Variants in NRXN3 observed in about 807,000 individuals in gnomAD.
The protein encoded by NRXN3 is neurexin III.
A neutral mutation model predicts 137.6 loss-of-function variants in NRXN3; 32 were observed. The observed-to-expected ratio is 0.23, with a 90% CI of 0.18 to 0.31. The LOEUF (loss-of-function observed/expected upper bound fraction) is 0.31, where lower values mean the gene tolerates loss of function less well. Among genes scored for constraint, NRXN3 ranks in the 10% least tolerant of loss-of-function variants. The probability of loss-of-function intolerance (pLI) is 1.00; values close to 1 mark genes in which losing one functional copy is unlikely to be tolerated. For missense variants in NRXN3, 1,574 were observed against 2,062.5 expected, an observed-to-expected ratio of 0.76 and a Z score of 4.59; for synonymous variants, 798 against 784.5, an observed-to-expected ratio of 1.02 and a Z score of -0.29.
chr14:78,821,505 C>T (rs1001888477), intron 10 of NRXN3, among the ~76,000 whole-genome samples: 2 of 151,840 alleles, frequency 1.3e-5, no homozygotes, highest in African/African-American at 4.8e-5. Flanking sequence ...GCAACAGAAA[C>T]GGAATGCTTG....
At chr14:78,788,679 G>C (rs2098796472) in intron 8 of NRXN3, among the ~76,000 whole-genome samples, 1 of 152,158 alleles carries the variant, frequency 6.6e-6, no homozygotes, top group South Asian at 2.1e-4. Flanking sequence ...TAATAGACCT[G>C]AATACTGCAT....
chr14:78,241,166 C>T (rs2067030691), intron 1 of NRXN3, among the ~76,000 whole-genome samples: 1 of 152,200 alleles, frequency 6.6e-6, no homozygotes, highest in Non-Finnish European at 1.5e-5. Flanking sequence ...GTCATCCATT[C>T]TGCAGTTTTC....
At chr14:79,736,652 T>C (rs1478952306) in intron 19 of NRXN3, among the ~76,000 whole-genome samples, 1 of 151,982 alleles carries the variant, frequency 6.6e-6, no homozygotes, top group Admixed American at 6.6e-5. Flanking sequence ...CCATCGCGAG[T>C]GTGGAGGCTG....
At chr14:78,944,389 A>G (rs2099361269) in intron 10 of NRXN3, among the ~76,000 whole-genome samples, 1 of 152,228 alleles carries the variant, frequency 6.6e-6, no homozygotes, top group South Asian at 2.1e-4. Flanking sequence ...GTTCTCAGAA[A>G]GGTGGTTTGA....
intron 3 of NRXN3, among the ~76,000 whole-genome samples, chr14:78,293,512 A>C (rs2076009811): frequency 1.3e-5 from 2 of 150,250 alleles, no homozygotes; most frequent in African/African-American, 2.5e-5. Flanking sequence ...CCCATCCACC[A>C]CTCTCCTAAA....
chr14:79,123,384 G>T (rs1458089243), intron 15 of NRXN3, among the ~76,000 whole-genome samples: 1 of 152,130 alleles, frequency 6.6e-6, no homozygotes, highest in African/African-American at 2.4e-5. Flanking sequence ...TTTAGAGCTG[G>T]TATGTCTGCT....
intron 4 of NRXN3, among the ~76,000 whole-genome samples, chr14:78,359,359 C>T (rs765058611): frequency 3.3e-5 from 5 of 152,184 alleles, no homozygotes; most frequent in Non-Finnish European, 7.3e-5. Flanking sequence ...TACAGCCAGG[C>T]AGGGCAGGCT....
At chr14:78,920,077 G>A (rs1177864955) in intron 10 of NRXN3, among the ~76,000 whole-genome samples, 13 of 152,176 alleles carry the variant, frequency 8.5e-5, no homozygotes, top group Admixed American at 8.5e-4. Context: ...CAATCAGCAT[G>A]TCTTACAGCT....
chr14:79,291,016 T>C (rs551174552), intron 15 of NRXN3, among the ~76,000 whole-genome samples: 1 of 152,328 alleles, frequency 6.6e-6, no homozygotes, highest in South Asian at 2.1e-4. Context: ...TTTGGTCTCA[T>C]GAATAATTTG....
intron 15 of NRXN3, among the ~76,000 whole-genome samples, chr14:79,015,758 C>A (rs2099578125): frequency 6.6e-6 from 1 of 152,170 alleles, no homozygotes; most frequent in Non-Finnish European, 1.5e-5. Flanking sequence ...GTGATGTGGG[C>A]TGCTTAAGCA....
intron 4 of NRXN3, among the ~76,000 whole-genome samples, chr14:78,331,014 T>C (rs1439091231): frequency 6.6e-6 from 1 of 152,182 alleles, no homozygotes; most frequent in Non-Finnish European, 1.5e-5. Flanking sequence ...CTGTTTGCCT[T>C]TGTGTTTGAG....
At chr14:78,546,397 A>G (rs536290467) in intron 4 of NRXN3, among the ~76,000 whole-genome samples, 13 of 152,300 alleles carry the variant, frequency 8.5e-5, no homozygotes, top group African/African-American at 3.1e-4. Flanking sequence ...TCTTGTTTCT[A>G]CAATGGAGAT....
At chr14:78,527,206 A>G (rs1294725331) in intron 4 of NRXN3, among the ~76,000 whole-genome samples, 4 of 152,324 alleles carry the variant, frequency 2.6e-5, no homozygotes, top group Admixed American at 2.6e-4. Context: ...TAATTTATAA[A>G]GAAAGGAGGT....
At chr14:79,307,521 C>T (rs138870569) in intron 15 of NRXN3, among the ~76,000 whole-genome samples, 3 of 152,188 alleles carry the variant, frequency 2.0e-5, no homozygotes, top group African/African-American at 7.2e-5. Context: ...GTCAAAAATT[C>T]AGGAGCAGCC....
At chr14:78,304,265 TA>T (rs2077148637) in intron 4 of NRXN3, among the ~76,000 whole-genome samples, 1 of 152,146 alleles carries the variant, frequency 6.6e-6, no homozygotes, top group Non-Finnish European at 1.5e-5. Context: ...TACACCAGAA[TA>T]AACGTGGGAA....
chr14:79,238,306 G>GATA (rs10686512), intron 15 of NRXN3, among the ~76,000 whole-genome samples: 1 of 151,626 alleles, frequency 6.6e-6, no homozygotes, highest in Non-Finnish European at 1.5e-5. Context: ...TTAGTTACAT[G>GATA]CCCACAATAT....
chr14:79,416,497 A>G (rs576527393), intron 15 of NRXN3, among the ~76,000 whole-genome samples: 14 of 152,282 alleles, frequency 9.2e-5, no homozygotes, highest in African/African-American at 3.4e-4. Context: ...TAAATGAAGA[A>G]CATTAACGTG....
At chr14:78,465,693 C>T (rs1428572554) in intron 4 of NRXN3, among the ~76,000 whole-genome samples, 1 of 150,800 alleles carries the variant, frequency 6.6e-6, no homozygotes, top group African/African-American at 2.4e-5. Context: ...CACCACCATG[C>T]CCGGCTAATT....
chr14:79,288,814 T>A (rs2082700365), intron 15 of NRXN3, among the ~76,000 whole-genome samples: 1 of 152,174 alleles, frequency 6.6e-6, no homozygotes, highest in Non-Finnish European at 1.5e-5. Context: ...TTTGAATGTT[T>A]TCCAATCTGC....
Sources: allele counts gnomAD v4.1 joint callset (sites outside exome capture counted in the v4.1 genomes callset), GRCh38; gene constraint gnomAD v4.1.1; transcripts MANE v1.5; gene names NCBI Gene and HGNC (gene_info 2026-07-23, HGNC 2026-07-21).